The following CSRP2 variants were observed in gnomAD, a reference collection of about 807,000 sequenced individuals.
CSRP2 encodes cysteine and glycine rich protein 2, also known as cysteine and glycine-rich protein 2.
A neutral mutation model predicts 24.6 loss-of-function variants in CSRP2; 18 were observed. The observed-to-expected ratio is 0.73, with a 90% CI of 0.51 to 1.09. The LOEUF (loss-of-function observed/expected upper bound fraction) is 1.09. CSRP2 is among the 50% of genes least tolerant of loss of function. The probability of loss-of-function intolerance (pLI) is 0.00; values close to 1 mark genes in which losing one functional copy is unlikely to be tolerated. For missense variants in CSRP2, 215 were observed against 239.4 expected (o/e 0.90, Z 0.67); for synonymous variants, 87 against 84.3 (o/e 1.03, Z -0.18).
At chr12:76,860,628 C>CA (rs1426386765) in intron 3 of CSRP2, 1 of 436,506 alleles carries the variant, frequency 2.3e-6, no homozygotes, top group African/African-American at 2.0e-5. Context: ...ATTATTATTT[C>CA]AAAAAACCAG....
rs1953701226 is a variant in CSRP2, at chr12:76,863,192, C to CAA, written c.264_265insTT (p.Gly89LeufsTer45). The CAA allele has an allele frequency of 6.2e-7, 1 of 1,613,168 alleles. No individual in the cohort carries two copies. Among genetic ancestry groups the CAA allele is most frequent in the Admixed American group, 1.7e-5 (1 of 59,946 alleles). ...CCAACTCACCTCTCTGGTTTGATGC[C>CAA]CAGCCTCTCGCCACGGTCCATGTTA... On this transcript the variant is annotated frameshift_variant, in exon 3 of 6. Coordinates refer to ENST00000311083, the MANE Select transcript of CSRP2 (RefSeq NM_001321.3). LOFTEE classifies it high-confidence loss of function.
rs1431466499 is a variant in CSRP2, at chr12:76,862,700, G to C, written c.281+476C>G. On this transcript the variant is annotated intron_variant, in intron 3 of 5. Coordinates refer to ENST00000311083, the MANE Select transcript of CSRP2 (RefSeq NM_001321.3). Reference sequence around the variant, plus strand: ...TACTCTCTCAAAGAATCAAAAATAAGAAGTAATTTCCATTTTTAAGTAAAA... The same window carrying C: ...TACTCTCTCAAAGAATCAAAAATAACAAGTAATTTCCATTTTTAAGTAAAA... 1.6e-4 allele frequency: 196 copies of C among 1,245,690 alleles called. 1 individual carries two copies. Among genetic ancestry groups the C allele is most frequent in the Non-Finnish European group, 2.8e-5 (27 of 962,276 alleles). 77.2% of individuals were successfully genotyped at this position (1,245,690 alleles called of 1,614,324 possible).
chr12:76,860,445 G>A lies in CSRP2; in HGVS notation c.282-32C>T, dbSNP rs373092557. 3.1e-6 allele frequency: 5 copies of A among 1,609,412 alleles called. No individual in the cohort carries two copies. The African/African-American group carries it at 5.4e-5, about 17-fold the overall frequency. On this transcript the variant is annotated intron_variant, in intron 3 of 5. Transcript: ENST00000311083. ...AAAAGAGGAAAAAAAAAGTAGGCAA[G>A]AGTTTCCACAGGGCCCTTTTAAGTA...
At chr12:76,866,457 C>T (rs1186630078) in intron 1 of CSRP2, among the ~76,000 whole-genome samples, 196 bp from the exon 2 acceptor site, 4 of 140,238 alleles carry the variant, frequency 2.9e-5, no homozygotes, top group Admixed American at 2.3e-4. Flanking sequence ...AGGAAACTGG[C>T]TTGTCGTGCA....
chr12:76,878,600 A>C (rs1953875352), intron 1 of CSRP2, among the ~76,000 whole-genome samples: 2 of 152,374 alleles, frequency 1.3e-5, no homozygotes, highest in Admixed American at 6.5e-5. Flanking sequence ...CAGAAACGCG[A>C]AACTCACAAC....
intron 3 of CSRP2, chr12:76,860,906 G>GATTA (rs1247589171): frequency 6.6e-6 from 1 of 152,232 alleles, no homozygotes; most frequent in Non-Finnish European, 1.5e-5. Context: ...ATGTTTTATA[G>GATTA]ATTACTTAGT....
intron 3 of CSRP2, chr12:76,862,499 C>T: frequency 5.7e-6 from 1 of 174,214 alleles, no homozygotes; most frequent in Non-Finnish European, 1.1e-5. Flanking sequence ...CGAGATTGTG[C>T]CAGTGCACTC....
chr12:76,863,239 T>C lies in CSRP2; in HGVS notation c.218A>G (p.Tyr73Cys), dbSNP rs1953702027. ...GTTAAGCGTGCCAGCGCCCTGGCCA[T>C]AACCGTAGCCTTTTGGCCCATACTT... is the stretch of plus-strand genomic sequence containing the variant. The part of the protein sequence containing the change: ...GKKYGPKGYG[Y>C]GQGAGTLNMD... Residue 73 changes from tyrosine to cysteine, a missense_variant, in exon 3 of 6, where the codon TAT becomes TGT. By Grantham distance (194) the Tyr-to-Cys change is radical (BLOSUM62 -2). Coordinates refer to ENST00000311083, the MANE Select transcript of CSRP2 (RefSeq NM_001321.3). 6.2e-7 allele frequency: 1 copy of C among 1,614,144 alleles called. No individual in the cohort carries two copies. The highest frequency in any genetic ancestry group is 1.7e-5 in the Admixed American group (1 of 60,012).
At chr12:76,867,882 C>T (rs10862693) in intron 1 of CSRP2, among the ~76,000 whole-genome samples, 56,909 of 152,046 alleles carry the variant, frequency 0.37, 11,357 homozygotes, top group East Asian at 0.65. Context: ...TCTCATCTTA[C>T]CCCATTAAGG....
At chr12:76,864,234 A>G (rs1396969260) in intron 2 of CSRP2, 1 of 152,220 alleles carries the variant, frequency 6.6e-6, no homozygotes, top group East Asian at 1.9e-4. Flanking sequence ...CTGGTAGCAC[A>G]ATCTGGCAGC....
intron 1 of CSRP2, among the ~76,000 whole-genome samples, chr12:76,866,922 G>C (rs1953741584): frequency 6.6e-6 from 1 of 152,154 alleles, no homozygotes; most frequent in Non-Finnish European, 1.5e-5. Flanking sequence ...TCCGGCTTAA[G>C]TTTCTATGCT....
chr12:76,872,911 G>A (rs571803716), intron 1 of CSRP2, among the ~76,000 whole-genome samples: 2 of 152,098 alleles, frequency 1.3e-5, no homozygotes, highest in Non-Finnish European at 2.9e-5. Flanking sequence ...AAGAACCCTT[G>A]TGTTCCTGCA....
intron 1 of CSRP2, among the ~76,000 whole-genome samples, chr12:76,869,713 T>C (rs1953777516): frequency 6.6e-6 from 1 of 152,222 alleles, no homozygotes; most frequent in African/African-American, 2.4e-5. Context: ...AAGGCATCCA[T>C]ATAGGATCAG....
At chr12:76,875,906 A>G (rs961198678) in intron 1 of CSRP2, among the ~76,000 whole-genome samples, 1 of 152,244 alleles carries the variant, frequency 6.6e-6, no homozygotes, top group Non-Finnish European at 1.5e-5. Flanking sequence ...TAAATGACTC[A>G]TAACTGTGAA....
At chr12:76,874,750 C>A (rs921123575) in intron 1 of CSRP2, among the ~76,000 whole-genome samples, 6 of 152,070 alleles carry the variant, frequency 3.9e-5, no homozygotes, top group Non-Finnish European at 7.4e-5. Flanking sequence ...CCTGTCAGAT[C>A]GGCAGAGGCA....
Position 76,870,294 on chromosome 12 carries a change from C to CCAA in CSRP2, c.-1-4036_-1-4034dup, listed in dbSNP as rs1410863194. On this transcript the variant is annotated intron_variant, in intron 1 of 5. Transcript: ENST00000311083. ...CTTAAAAATACATTAAAAGGAAAAC[C>CCAA]CAACTAATAACCTTGTTATTCTCTT... Among the ~76,000 whole-genome samples, 4 of 152,254 alleles carry CCAA rather than the reference C, an allele frequency of 2.6e-5. No homozygotes were observed. The East Asian group carries it at 7.7e-4, about 29-fold the overall frequency.
intron 1 of CSRP2, among the ~76,000 whole-genome samples, chr12:76,875,979 A>C (rs1002423532): frequency 6.6e-6 from 1 of 152,198 alleles, no homozygotes; most frequent in Non-Finnish European, 1.5e-5. Flanking sequence ...ATTCAAAATT[A>C]TTTCACTGAT....
At chr12:76,873,786 A>G (rs1248841066) in intron 1 of CSRP2, among the ~76,000 whole-genome samples, 1 of 152,096 alleles carries the variant, frequency 6.6e-6, no homozygotes, top group African/African-American at 2.4e-5. Flanking sequence ...TCACATATCT[A>G]TTCCTTCCTT....
chr12:76,876,771 C>CCT (rs1489424595), intron 1 of CSRP2, among the ~76,000 whole-genome samples: 1 of 152,230 alleles, frequency 6.6e-6, no homozygotes, highest in Non-Finnish European at 1.5e-5. Flanking sequence ...AAACGCTCTT[C>CCT]AGGTGTGAGC....
Sources: gnomAD v4.1 joint callset for allele counts (sites outside exome capture counted in the v4.1 genomes callset) on GRCh38, gnomAD v4.1.1 for gene constraint, MANE v1.5 for transcripts, NCBI Gene and HGNC (gene_info 2026-07-23, HGNC 2026-07-21) for gene names.